The following PLXNB2 variants were observed in gnomAD, a reference collection of about 807,000 sequenced individuals.
PLXNB2 encodes plexin B2.
A neutral mutation model predicts 202.6 loss-of-function variants in PLXNB2; 85 were observed. That is an observed-to-expected ratio of 0.42 (90% CI 0.35 to 0.50). The LOEUF (loss-of-function observed/expected upper bound fraction) is 0.50, where lower values mean the gene tolerates loss of function less well. Ranked by LOEUF, PLXNB2 falls within the 20% of genes least tolerant of loss-of-function variation. The pLI, the probability that PLXNB2 is intolerant of heterozygous loss-of-function variation, is 0.02. For synonymous variants in PLXNB2, 1,239 were observed against 1,137.6 expected (o/e 1.09, Z -1.79); for missense variants, 2,063 against 2,586.2 (o/e 0.80, Z 4.39).
At chr22:50,298,614 G>C (rs1367685944) in intron 1 of PLXNB2, among the ~76,000 whole-genome samples, 1 of 152,200 alleles carries the variant, frequency 6.6e-6, no homozygotes, top group Non-Finnish European at 1.5e-5. Context: ...GGAGTTCTCT[G>C]CCTTTCAGTA....
Position 50,281,122 on chromosome 22 carries a change from T to C in PLXNB2, c.3730A>G (p.Ser1244Gly). 1 of 1,613,218 alleles carries C rather than the reference T, an allele frequency of 6.2e-7. No homozygotes were observed. The highest frequency in any genetic ancestry group is 1.1e-5 in the South Asian group (1 of 91,070). Residue 1244 changes from serine to glycine, a missense_variant, in exon 23 of 37, where the codon AGC becomes GGC. Around this residue, in one of 2 missense-constraint regions of PLXNB2, gnomAD observed 760 missense variants for 1,109.4 expected, o/e 0.69. Transcript: ENST00000359337. ...TCCTTCTTGCAGCGGTCCCGCACGC[T>C]CTCCTCCAGGCCCTCCAGCTGGGAC... is the stretch of plus-strand genomic sequence containing the variant. ...IKSQLEGLEE[S>G]VRDRCKKEFT...
chr22:50,306,474 G>C (rs908750198), intron 1 of PLXNB2, among the ~76,000 whole-genome samples: 16 of 152,360 alleles, frequency 1.1e-4, no homozygotes, highest in African/African-American at 3.6e-4. Flanking sequence ...CTGGGCATGG[G>C]GCAGGCTGAG....
rs779759334 is a variant in PLXNB2, at chr22:50,281,879, T to C, written c.3320A>G (p.Gln1107Arg). 6.2e-7 allele frequency: 1 copy of C among 1,612,868 alleles called. No homozygotes were observed. Among genetic ancestry groups the C allele is most frequent in the Non-Finnish European group, 8.5e-7 (1 of 1,179,958 alleles). The change falls in exon 20 of 37, where the codon CAG becomes CGG. Residue 1107 changes from glutamine (Q) to arginine (R), a missense_variant. Around this residue, in one of 2 missense-constraint regions of PLXNB2, gnomAD observed 760 missense variants for 1,109.4 expected, o/e 0.69. Coordinates refer to ENST00000359337, the MANE Select transcript of PLXNB2 (RefSeq NM_012401.4). ...FENFTGGVKKQVNKLIHARGT... is the reference protein window; with the variant it reads ...FENFTGGVKKRVNKLIHARGT... ...CCGGGCGTGGATGAGCTTGTTGACC[T>C]GCTTCTTGACGCCACCTGTGAAGTT...
intron 1 of PLXNB2, among the ~76,000 whole-genome samples, chr22:50,301,815 C>A (rs1313469584): frequency 6.6e-6 from 1 of 152,244 alleles, no homozygotes; most frequent in Non-Finnish European, 1.5e-5. Context: ...CAGCGGTCAC[C>A]CCAGCCCCGC....
Position 50,287,947 on chromosome 22 carries a change from C to T in PLXNB2, c.1471G>A (p.Val491Ile), listed in dbSNP as rs1364368096. The T allele has an allele frequency of 1.2e-5, 19 of 1,585,638 alleles. No homozygotes were observed. Among genetic ancestry groups the T allele is most frequent in the South Asian group, 2.3e-5 (2 of 87,464 alleles). ...SQDPYCGWCV[V>I]EGRCTRKAEC... is the part of the protein sequence containing the mutation. ...ACCCCAGGCACTCACCGTCCCTCGA[C>T]GACGCACCAGCCGCAGTAGGGGTCC... The change falls in exon 6 of 37, where the codon GTC becomes ATC. Residue 491 changes from valine to isoleucine, a missense_variant. Val to Ile is a conservative substitution (Grantham distance 29). Transcript: ENST00000359337.
In PLXNB2 at chr22:50,295,248, C is replaced by T. The variant is rs28540485; in HGVS notation, c.-73-470G>A. Among the ~76,000 whole-genome samples the T allele has an allele frequency of 9.0e-3, 1,350 of 149,928 alleles. 23 individuals carry two copies. The highest frequency in any genetic ancestry group is 0.031 in the African/African-American group (1,278 of 40,632). ...AGGCAGGAGAATGGCATGAACCCGGCCGATGGAACTTGCAGTGAGCGGAGA... is the reference window on the plus strand; with the variant it reads ...AGGCAGGAGAATGGCATGAACCCGGTCGATGGAACTTGCAGTGAGCGGAGA... On this transcript the variant is annotated intron_variant, in intron 1 of 36. Transcript: ENST00000359337.
At chr22:50,303,707 T>C (rs1208622101) in intron 1 of PLXNB2, among the ~76,000 whole-genome samples, 1 of 152,178 alleles carries the variant, frequency 6.6e-6, no homozygotes, top group African/African-American at 2.4e-5. Flanking sequence ...GGGCCCCCCA[T>C]GGAAGCTGCT....
rs982454799 is a variant in PLXNB2 at position 50,289,437 on chromosome 22, T to C, written c.1068+80A>G. On this transcript the variant is annotated intron_variant, in intron 3 of 36. Transcript: ENST00000359337. This position sits in a 1 kb window ranked among gnomAD's most constrained non-coding sequence, Gnocchi z 8.0. Reference sequence around the variant, plus strand: ...ACGGCCACACTGCTCACGTGCACCCTCCCCAGCAGGCTGGGACACGCAAAC... The same window carrying C: ...ACGGCCACACTGCTCACGTGCACCCCCCCCAGCAGGCTGGGACACGCAAAC... 5 of 1,464,002 alleles carry C rather than the reference T, an allele frequency of 3.4e-6. No individual in the cohort carries two copies. In the African/African-American group the frequency reaches 5.6e-5, roughly 17 times the overall value. 90.7% of individuals were successfully genotyped at this position (1,464,002 alleles called of 1,614,324 possible). A position where few individuals can be genotyped will look rare whatever the true frequency, so the allele number is the denominator to read the frequency against.
At chr22:50,286,599 C>T (rs1402765544) in intron 8 of PLXNB2, among the ~76,000 whole-genome samples, 2 of 152,212 alleles carry the variant, frequency 1.3e-5, no homozygotes, top group African/African-American at 4.8e-5. Flanking sequence ...CCTCTGTTCC[C>T]GCAGGCACTG....
chr22:50,281,181 C>A lies in PLXNB2; in HGVS notation c.3671G>T (p.Ser1224Ile). ...CTCATACTCTCGTTCGGCCTGCTGG[C>A]TCTTCCTCCTGCAAGGCACAGCGGG... ...AVSVYCYWRKSQQAEREYEKI... is the reference protein window; with the variant it reads ...AVSVYCYWRKIQQAEREYEKI... The change falls in exon 23 of 37, where the codon AGC becomes ATC. Residue 1224 changes from serine (S) to isoleucine (I), a missense_variant. Physicochemically the swap from Ser to Ile is moderately radical, Grantham distance 142 (BLOSUM62 -2). Transcript: ENST00000359337. The A allele has an allele frequency of 1.2e-6, 2 of 1,612,308 alleles. No individual in the cohort carries two copies. Among genetic ancestry groups the A allele is most frequent in the South Asian group, 1.1e-5 (1 of 90,954 alleles).
In PLXNB2 at chr22:50,288,734, C is replaced by G. The variant is rs745960513; in HGVS notation, c.1380+9G>C. The G allele has an allele frequency of 9.9e-6, 16 of 1,612,686 alleles. No individual in the cohort carries two copies. The South Asian group carries it at 1.4e-4, about 14-fold the overall frequency. On this transcript the variant is annotated intron_variant, in intron 5 of 36. Transcript: ENST00000359337. The surrounding 1 kb of genome is among the most constrained non-coding windows in gnomAD (Gnocchi z 5.0). ...CCTAGAGTGCTCTCCGGGGCTGCGT[C>G]TGGCTCACCTTGTCCTGGGTCATGG...
rs1015385659 is a variant in PLXNB2, at chr22:50,289,265, C to A, written c.1069-123G>T. The A allele has an allele frequency of 9.9e-7, 1 of 1,005,268 alleles. No individual in the cohort carries two copies. The highest frequency in any genetic ancestry group is 1.7e-5 in the South Asian group (1 of 58,748). The allele number at this position is 1,005,268 out of a possible 1,614,324, so 62.3% of individuals were successfully genotyped here. A position where few individuals can be genotyped will look rare whatever the true frequency, so the allele number is the denominator to read the frequency against. On this transcript the variant is annotated intron_variant, in intron 3 of 36. Transcript: ENST00000359337. This position sits in a 1 kb window ranked among gnomAD's most constrained non-coding sequence, Gnocchi z 8.0. ...CCGGCACACGTCCTACACACGTCCC[C>A]GAGAACAGAACCCACATGGCAGGGA...
rs752424289 is a variant in PLXNB2, at chr22:50,287,921, C to T, written c.1481+16G>A. 3.2e-6 allele frequency: 5 copies of T among 1,582,996 alleles called. No individual in the cohort carries two copies. The highest frequency in any genetic ancestry group is 4.3e-6 in the Non-Finnish European group (5 of 1,166,302). On this transcript the variant is annotated intron_variant, in intron 6 of 36. Transcript: ENST00000359337. Reference sequence around the variant, plus strand: ...CCAGAGGCAGGCCGTGTCCCCGAGCCACCCCAGGCACTCACCGTCCCTCGA... The same window carrying T: ...CCAGAGGCAGGCCGTGTCCCCGAGCTACCCCAGGCACTCACCGTCCCTCGA...
At position 50,288,176 on chromosome 22, in the gene PLXNB2, T is replaced by TA. The variant is rs1344473970; in HGVS notation, c.1381-140dup. The TA allele has an allele frequency of 4.7e-6, 3 of 644,442 alleles. No homozygotes were observed. Among genetic ancestry groups the TA allele is most frequent in the Non-Finnish European group, 8.1e-6 (3 of 371,712 alleles). 39.9% of individuals were successfully genotyped at this position (644,442 alleles called of 1,614,324 possible). On this transcript the variant is annotated intron_variant, in intron 5 of 36. Transcript: ENST00000359337. The surrounding 1 kb of genome is among the most constrained non-coding windows in gnomAD (Gnocchi z 5.0). Reference sequence around the variant, plus strand: ...GCCTCAGACACCTCAGGCTTGATATTAAACAGTTCTGGCTCTGGGTGGCCA... The same window carrying TA: ...GCCTCAGACACCTCAGGCTTGATATTAAAACAGTTCTGGCTCTGGGTGGCCA...
rs1272970809 is a variant in PLXNB2 at position 50,277,658 on chromosome 22, G to T, written c.5129C>A (p.Ala1710Asp). 1.2e-6 allele frequency: 2 copies of T among 1,609,282 alleles called. No homozygotes were observed. The highest frequency in any genetic ancestry group is 8.5e-7 in the Non-Finnish European group (1 of 1,177,448). ...FDVHVHEVVD[A>D]SLSVIAQTFM... Reference sequence around the variant, plus strand: ...GGTCTGCGCGATGACTGACAGCGAGGCGTCCACCACCTCGTGGACATGCAC... The same window carrying T: ...GGTCTGCGCGATGACTGACAGCGAGTCGTCCACCACCTCGTGGACATGCAC... Residue 1710 changes from alanine (A) to aspartate (D), a missense_variant, in exon 33 of 37, where the codon GCC becomes GAC. Ala to Asp is a moderately radical substitution (Grantham distance 126). Coordinates refer to ENST00000359337, the MANE Select transcript of PLXNB2 (RefSeq NM_012401.4).
rs1299985391 is a variant in PLXNB2, at chr22:50,279,072, G to C, written c.4390-61C>G. The C allele has an allele frequency of 7.3e-6, 11 of 1,500,370 alleles. 1 individual carries two copies. Among genetic ancestry groups the C allele is most frequent in the African/African-American group, 4.1e-5 (3 of 72,388 alleles). 92.9% of individuals were successfully genotyped at this position (1,500,370 alleles called of 1,614,324 possible). A position where few individuals can be genotyped will look rare whatever the true frequency, so the allele number is the denominator to read the frequency against. On this transcript the variant is annotated intron_variant, in intron 27 of 36. Transcript: ENST00000359337. ...CCCTGCTCTTACCTGCACCATGCAGGAGCCACTCCCTGCCCCGCCAGCTTT... is the reference window on the plus strand; with the variant it reads ...CCCTGCTCTTACCTGCACCATGCAGCAGCCACTCCCTGCCCCGCCAGCTTT...
At chr22:50,286,333 C>T (rs368800622) in intron 8 of PLXNB2, 46 bp from the exon 9 acceptor site, 41 of 1,439,658 alleles carry the variant, frequency 2.8e-5, no homozygotes, top group African/African-American at 2.5e-4. Flanking sequence ...GCCGCAGGGC[C>T]GAGGGCCAGG....
At chr22:50,295,090 G>A (rs890467655) in intron 1 of PLXNB2, among the ~76,000 whole-genome samples, 2 of 152,152 alleles carry the variant, frequency 1.3e-5, no homozygotes, top group Non-Finnish European at 2.9e-5. Flanking sequence ...GGAGGCCGAG[G>A]CGGGAGGATC....
Position 50,275,894 on chromosome 22 carries a change from C to T in PLXNB2, c.5407G>A (p.Asp1803Asn). The change falls in exon 36 of 37, where the codon GAC becomes AAC. Residue 1803 changes from aspartate to asparagine, a missense_variant. Physicochemically the swap from Asp to Asn is conservative, Grantham distance 23. Around this residue, in one of 2 missense-constraint regions of PLXNB2, gnomAD observed 760 missense variants for 1,109.4 expected, o/e 0.69. Coordinates refer to ENST00000359337, the MANE Select transcript of PLXNB2 (RefSeq NM_012401.4). ...CCCCGGGGGCCTGACCCTACCTCGT[C>T]ATAGTACTTCTGCGTGTATTGGTAG... ...QLYQYTQKYY[D>N]EIINALEEDP... is the part of the protein sequence containing the mutation. 6.2e-7 allele frequency: 1 copy of T among 1,612,586 alleles called. No homozygotes were observed. Among genetic ancestry groups the T allele is most frequent in the Non-Finnish European group, 8.5e-7 (1 of 1,179,844 alleles).
Sources: gnomAD v4.1 joint callset for allele counts (sites outside exome capture counted in the v4.1 genomes callset) on GRCh38, gnomAD v4.1.1 for gene constraint, gnomAD v4.1.1 regional missense constraint, Gnocchi (gnomAD v3.1) non-coding constraint, MANE v1.5 for transcripts, NCBI Gene and HGNC (gene_info 2026-07-23, HGNC 2026-07-21) for gene names.